The following HYAL4 variants were observed in gnomAD, a reference collection of about 807,000 sequenced individuals.
The protein encoded by HYAL4 is hyaluronidase-4.
HYAL4 carries 37 observed loss-of-function variants against 35.2 expected under a neutral mutation model. That is an observed-to-expected ratio of 1.05 (90% confidence interval 0.81 to 1.38). The LOEUF is 1.38. Among genes scored for constraint, HYAL4 ranks in the 40% most tolerant of loss-of-function variants. The probability of loss-of-function intolerance (pLI) is 0.00; values close to 1 mark genes in which losing one functional copy is unlikely to be tolerated. For synonymous variants in HYAL4, 198 were observed against 203.2 expected (o/e 0.97, Z 0.22); for missense variants, 572 against 572.4 (o/e 1.00, Z 0.01).
At chr7:123,801,801 T>C in the HYAL4 span, among the ~76,000 whole-genome samples, 1 of 152,178 alleles carries the variant, frequency 6.6e-6, no homozygotes, top group Non-Finnish European at 1.5e-5. Flanking sequence ...ATTTATTGTC[T>C]AAATTGGGAC....
chr7:123,767,483 T>G, the HYAL4 span, among the ~76,000 whole-genome samples: 1 of 152,284 alleles, frequency 6.6e-6, no homozygotes, highest in Middle Eastern at 3.4e-3. Context: ...GAAGCCACTT[T>G]TGGACAGACT....
chr7:123,818,769 T>G, the HYAL4 span, among the ~76,000 whole-genome samples: 1 of 152,210 alleles, frequency 6.6e-6, no homozygotes, highest in African/African-American at 2.4e-5. Flanking sequence ...ATAGCTTTAT[T>G]TAAAAGAAAT....
At chr7:123,816,880 T>G in the HYAL4 span, among the ~76,000 whole-genome samples, 3 of 152,214 alleles carry the variant, frequency 2.0e-5, no homozygotes, top group South Asian at 6.2e-4. Flanking sequence ...TGTTTGGTAT[T>G]TGCTTTCAGG....
the HYAL4 span, among the ~76,000 whole-genome samples, chr7:123,812,327 T>G: frequency 6.6e-6 from 1 of 151,966 alleles, no homozygotes; most frequent in Non-Finnish European, 1.5e-5. Context: ...TTTTATATTT[T>G]GAATAATAAA....
At chr7:123,794,205 G>A in the HYAL4 span, among the ~76,000 whole-genome samples, 1 of 152,144 alleles carries the variant, frequency 6.6e-6, no homozygotes, top group African/African-American at 2.4e-5. Context: ...ATGATTTAGG[G>A]TATCTGGTGG....
upstream of HYAL4, among the ~76,000 whole-genome samples, chr7:123,840,729 A>G (rs1806043638): frequency 6.6e-6 from 1 of 151,652 alleles, no homozygotes; most frequent in Non-Finnish European, 1.5e-5. Flanking sequence ...ATTCCTAGGT[A>G]TTTTATTCTC....
intron 2 of HYAL4, among the ~76,000 whole-genome samples, chr7:123,860,823 C>G (rs1189062033): frequency 1.3e-5 from 2 of 152,162 alleles, no homozygotes; most frequent in Middle Eastern, 3.2e-3. Context: ...TGTACTCTTT[C>G]TTCATTCAGG....
At chr7:123,800,036 T>A in the HYAL4 span, among the ~76,000 whole-genome samples, 1 of 151,982 alleles carries the variant, frequency 6.6e-6, no homozygotes, top group Non-Finnish European at 1.5e-5. Context: ...GTGGTGCGCC[T>A]GTAGTTTCAG....
chr7:123,777,890 GA>G, the HYAL4 span, among the ~76,000 whole-genome samples: 2 of 148,664 alleles, frequency 1.3e-5, no homozygotes, highest in African/African-American at 4.9e-5. Context: ...AGAAATTTAA[GA>G]AAGAAATCAG....
intron 3 of HYAL4, 136 bp downstream of exon 3, chr7:123,869,363 G>T (rs1221432209): frequency 9.3e-6 from 6 of 643,510 alleles, no homozygotes; most frequent in African/African-American, 1.8e-5. Context: ...TCCTTGACTA[G>T]TCATGCATTT....
chr7:123,874,496 T>C (rs1258051871), intron 3 of HYAL4, among the ~76,000 whole-genome samples: 1 of 152,046 alleles, frequency 6.6e-6, no homozygotes, highest in African/African-American at 2.4e-5. Context: ...CTCCGTCTCC[T>C]GGGTTCAAAT....
chr7:123,829,759 A>G (rs548438827), intron 1 of HYAL4, among the ~76,000 whole-genome samples: 15 of 152,328 alleles, frequency 9.8e-5, no homozygotes, highest in African/African-American at 3.4e-4. Context: ...TGAGCCCAGG[A>G]GTTCAAAGCT....
the HYAL4 span, among the ~76,000 whole-genome samples, chr7:123,817,341 T>G: frequency 1.2e-4 from 18 of 152,252 alleles, no homozygotes; most frequent in African/African-American, 3.9e-4. Flanking sequence ...TAACTAAAAC[T>G]TATCCATCTT....
At chr7:123,856,849 T>C (rs954300202) in intron 2 of HYAL4, among the ~76,000 whole-genome samples, 2 of 152,208 alleles carry the variant, frequency 1.3e-5, no homozygotes, top group African/African-American at 4.8e-5. Flanking sequence ...AGCCCCTGAC[T>C]GGGGCTGCTG....
At chr7:123,814,014 A>G in the HYAL4 span, 1 of 152,172 alleles carries the variant, frequency 6.6e-6, no homozygotes, top group Admixed American at 6.5e-5. Context: ...AGCCTCAAAG[A>G]TATTTTAAAA....
chr7:123,793,117 A>G, the HYAL4 span, among the ~76,000 whole-genome samples: 1 of 152,212 alleles, frequency 6.6e-6, no homozygotes, highest in East Asian at 1.9e-4. Flanking sequence ...GTTTCAAAAC[A>G]TTCTGTGATG....
chr7:123,836,845 G>A (rs374400884), intron 1 of HYAL4, among the ~76,000 whole-genome samples: 1 of 151,892 alleles, frequency 6.6e-6, no homozygotes, highest in African/African-American at 2.4e-5. Flanking sequence ...CCTGGCTGAC[G>A]TGGCAAAACC....
chr7:123,815,238 A>G, the HYAL4 span, among the ~76,000 whole-genome samples: 2 of 152,202 alleles, frequency 1.3e-5, no homozygotes, highest in Non-Finnish European at 2.9e-5. Context: ...ACACTTTTGG[A>G]TAATGATTCT....
chr7:123,811,685 C>A, the HYAL4 span, among the ~76,000 whole-genome samples: 1 of 152,036 alleles, frequency 6.6e-6, no homozygotes, highest in Non-Finnish European at 1.5e-5. Flanking sequence ...TTAATGAAAT[C>A]CAGTTTGTCA....
Sources: allele counts gnomAD v4.1 joint callset (sites outside exome capture counted in the v4.1 genomes callset), GRCh38; gene constraint gnomAD v4.1.1; transcripts MANE v1.5; gene names NCBI Gene and HGNC (gene_info 2026-07-23, HGNC 2026-07-21).